Variants in SLC9A9 observed in about 807,000 individuals in gnomAD.
SLC9A9 encodes solute carrier family 9 member A9, also known as sodium/hydrogen exchanger 9.
In SLC9A9, 62 loss-of-function variants were observed where a neutral mutation model predicts 77.8. The observed-to-expected ratio is 0.80, with a 90% confidence interval of 0.65 to 0.98. SLC9A9 has a LOEUF of 0.98. Ranked by LOEUF, SLC9A9 falls within the 50% of genes least tolerant of loss-of-function variation. SLC9A9 has a pLI of 0.00. For synonymous variants in SLC9A9, 320 were observed against 283.5 expected, an observed-to-expected ratio of 1.13 and a Z score of -1.29; for missense variants, 775 against 774.9, an observed-to-expected ratio of 1.00 and a Z score of 0.00.
intron 9 of SLC9A9, among the ~76,000 whole-genome samples, chr3:143,515,522 T>C (rs1371651487): frequency 6.6e-6 from 1 of 152,234 alleles, no homozygotes; most frequent in Non-Finnish European, 1.5e-5. Context: ...GCATATACGA[T>C]GTTTTCTACA....
At chr3:143,446,888 GTGTGTGTGTGCATGCACACA>G (rs1197190299) in intron 12 of SLC9A9, among the ~76,000 whole-genome samples, 3 of 152,136 alleles carry the variant, frequency 2.0e-5, no homozygotes, top group Admixed American at 6.5e-5. Context: ...GTGTGTGTGT[GTGTGTGTGTGCATGCACACA>G]TGTGTGCACA....
At chr3:143,830,255 T>G (rs1559818151) in intron 2 of SLC9A9, among the ~76,000 whole-genome samples, 1 of 152,180 alleles carries the variant, frequency 6.6e-6, no homozygotes. Flanking sequence ...TTAGTCAGGT[T>G]GCTGAGTCAC....
intron 4 of SLC9A9, among the ~76,000 whole-genome samples, chr3:143,709,782 T>C (rs1318285331): frequency 6.6e-6 from 1 of 152,074 alleles, no homozygotes; most frequent in African/African-American, 2.4e-5. Flanking sequence ...CTCCTCATAG[T>C]AGGAAATGAA....
rs755000797 is a variant in SLC9A9, at chr3:143,363,495, G to C, written c.1593C>G (p.Ser531Arg). The change falls in exon 14 of 16, where the codon AGC becomes AGG. Residue 531 changes from serine (S) to arginine (R), a missense_variant. Coordinates refer to ENST00000316549, the MANE Select transcript of SLC9A9 (RefSeq NM_173653.4). Reference sequence around the variant, plus strand: ...TTATCAAAGGATACTTGTGGTCAAAGCTATACCACATTCTGAAGAGCCGAG... The same window carrying C: ...TTATCAAAGGATACTTGTGGTCAAACCTATACCACATTCTGAAGAGCCGAG... Reference protein sequence around the residue: ...ESARLFRMWYSFDHKYLKPIL... With the variant: ...ESARLFRMWYRFDHKYLKPIL... The C allele has an allele frequency of 3.1e-6, 5 of 1,612,304 alleles. No individual in the cohort carries two copies. The highest frequency in any genetic ancestry group is 2.7e-5 in the African/African-American group (2 of 74,838).
chr3:143,280,235 A>G (rs1938175590), intron 14 of SLC9A9, among the ~76,000 whole-genome samples: 1 of 148,868 alleles, frequency 6.7e-6, no homozygotes, highest in East Asian at 1.9e-4. Flanking sequence ...GTTAGAATGC[A>G]TGCCCTGCAG....
intron 12 of SLC9A9, among the ~76,000 whole-genome samples, chr3:143,416,361 G>A (rs1290819154): frequency 6.6e-6 from 1 of 152,150 alleles, no homozygotes; most frequent in Non-Finnish European, 1.5e-5. Context: ...ACAGAGAAAT[G>A]TTTTGTGAAA....
At chr3:143,815,295 G>A (rs1188734112) in intron 2 of SLC9A9, among the ~76,000 whole-genome samples, 1 of 152,110 alleles carries the variant, frequency 6.6e-6, no homozygotes, top group Admixed American at 6.5e-5. Context: ...GTTTACCAAA[G>A]AGCCCTTGTA....
At chr3:143,420,708 T>C (rs1051308512) in intron 12 of SLC9A9, among the ~76,000 whole-genome samples, 6 of 152,198 alleles carry the variant, frequency 3.9e-5, no homozygotes, top group Admixed American at 1.3e-4. Context: ...TTTACATACA[T>C]TTAAATATCA....
intron 12 of SLC9A9, among the ~76,000 whole-genome samples, chr3:143,404,798 T>G (rs919667695): frequency 6.6e-6 from 1 of 152,208 alleles, no homozygotes; most frequent in African/African-American, 2.4e-5. Context: ...CCTAGACAAA[T>G]TGTTGGAAGT....
chr3:143,593,810 G>C (rs2037703143), intron 6 of SLC9A9, among the ~76,000 whole-genome samples: 1 of 152,202 alleles, frequency 6.6e-6, no homozygotes, highest in South Asian at 2.1e-4. Flanking sequence ...ATAGCACCTT[G>C]ACTTCATGTG....
chr3:143,408,567 C>T (rs766953124), intron 12 of SLC9A9, among the ~76,000 whole-genome samples: 11 of 152,222 alleles, frequency 7.2e-5, no homozygotes, highest in African/African-American at 1.7e-4. Context: ...GAAACCGCCT[C>T]GAGCAGGGTG....
chr3:143,846,442 A>G (rs1289551992), intron 1 of SLC9A9, among the ~76,000 whole-genome samples: 1 of 152,214 alleles, frequency 6.6e-6, no homozygotes, highest in African/African-American at 2.4e-5. Flanking sequence ...TAGGCAAATG[A>G]CAGGAACCTA....
intron 9 of SLC9A9, among the ~76,000 whole-genome samples, chr3:143,497,676 T>C (rs931154607): frequency 6.6e-6 from 1 of 152,222 alleles, no homozygotes; most frequent in Non-Finnish European, 1.5e-5. Flanking sequence ...AAACAAAATT[T>C]ACCCTTGGAT....
intron 11 of SLC9A9, among the ~76,000 whole-genome samples, chr3:143,489,946 T>C (rs2035711578): frequency 6.7e-6 from 1 of 149,416 alleles, no homozygotes. Flanking sequence ...ATGAAGGAAA[T>C]GCAAATCAAA....
chr3:143,598,276 AAGAC>A (rs2037790997), intron 6 of SLC9A9, among the ~76,000 whole-genome samples: 1 of 152,186 alleles, frequency 6.6e-6, no homozygotes. Flanking sequence ...TATCCATACA[AAGAC>A]AGGCAACGCA....
intron 9 of SLC9A9, among the ~76,000 whole-genome samples, chr3:143,518,508 G>A (rs75965336): frequency 0.053 from 8,055 of 152,140 alleles, 262 homozygotes; most frequent in Middle Eastern, 0.1. Context: ...CCATCCCATC[G>A]TGTCCACCGC....
intron 3 of SLC9A9, among the ~76,000 whole-genome samples, chr3:143,796,099 T>C (rs2008377865): frequency 6.6e-6 from 1 of 152,300 alleles, no homozygotes; most frequent in Non-Finnish European, 1.5e-5. Flanking sequence ...AAAAACCACG[T>C]GGGCTGGAGC....
chr3:143,791,516 A>G (rs2008223784), intron 4 of SLC9A9, among the ~76,000 whole-genome samples: 1 of 152,110 alleles, frequency 6.6e-6, no homozygotes, highest in Non-Finnish European at 1.5e-5. Flanking sequence ...GCTGGACTTC[A>G]TGGCCTTTTG....
At chr3:143,336,731 G>T (rs575169678) in intron 14 of SLC9A9, among the ~76,000 whole-genome samples, 1 of 152,230 alleles carries the variant, frequency 6.6e-6, no homozygotes, top group East Asian at 1.9e-4. Flanking sequence ...GTTGCCAGGG[G>T]TTAGGGTAGG....
Sources: gnomAD v4.1 joint callset for allele counts (sites outside exome capture counted in the v4.1 genomes callset) on GRCh38, gnomAD v4.1.1 for gene constraint, MANE v1.5 for transcripts, NCBI Gene and HGNC (gene_info 2026-07-23, HGNC 2026-07-21) for gene names.